ARHGAP19: variants seen among roughly 807,000 people sequenced by gnomAD.
The protein encoded by ARHGAP19 is Rho GTPase activating protein 19, also known as rho GTPase-activating protein 19.
A neutral mutation model predicts 60.9 loss-of-function variants in ARHGAP19; 48 were observed. The observed-to-expected ratio is 0.79, with a 90% CI of 0.62 to 1.00. The LOEUF (loss-of-function observed/expected upper bound fraction) is 1.00, where lower values mean the gene tolerates loss of function less well. Ranked by LOEUF, ARHGAP19 falls within the 50% of genes least tolerant of loss-of-function variation. The pLI, the probability that ARHGAP19 is intolerant of heterozygous loss-of-function variation, is 0.00. For missense variants in ARHGAP19, 562 were observed against 597.2 expected (o/e 0.94, Z 0.61); for synonymous variants, 209 against 215.5 (o/e 0.97, Z 0.27).
At chr10:97,231,760 A>G (rs1379359570) in intron 9 of ARHGAP19, among the ~76,000 whole-genome samples, 1 of 152,168 alleles carries the variant, frequency 6.6e-6, no homozygotes, top group Admixed American at 6.5e-5. Context: ...TAATGCTGCT[A>G]TGAATACGGG....
At chr10:97,257,476 G>A (rs1827385725) in intron 5 of ARHGAP19, among the ~76,000 whole-genome samples, 1 of 151,666 alleles carries the variant, frequency 6.6e-6, no homozygotes, top group Non-Finnish European at 1.5e-5. Flanking sequence ...CTTTTGTAGA[G>A]ACAAGGTCTC....
chr10:97,282,601 A>C (rs1192203442), intron 1 of ARHGAP19, among the ~76,000 whole-genome samples: 1 of 152,162 alleles, frequency 6.6e-6, no homozygotes, highest in Non-Finnish European at 1.5e-5. Context: ...CTTCCCCTTC[A>C]GAGCAATGGC....
chr10:97,285,521 T>C (rs902584823), intron 1 of ARHGAP19, among the ~76,000 whole-genome samples: 2 of 130,336 alleles, frequency 1.5e-5, no homozygotes, highest in African/African-American at 5.4e-5. Flanking sequence ...TTTTTTTGCT[T>C]TTTTTTTTTT....
rs1461223403 is a variant in ARHGAP19 at position 97,256,424 on chromosome 10, C to T, written c.841-20G>A. The T allele has an allele frequency of 1.9e-6, 3 of 1,558,848 alleles. No individual in the cohort carries two copies. The highest frequency in any genetic ancestry group is 3.3e-5 in the Admixed American group (2 of 59,714). On this transcript the variant is annotated intron_variant, in intron 5 of 11. Coordinates refer to ENST00000358531, the MANE Select transcript of ARHGAP19 (RefSeq NM_032900.6). Reference sequence around the variant, plus strand: ...AGTGACCTATTCAGAGGAAAAGAAACCAAACAATGGACATTAAGAGCTAGA... The same window carrying T: ...AGTGACCTATTCAGAGGAAAAGAAATCAAACAATGGACATTAAGAGCTAGA...
intron 1 of ARHGAP19, among the ~76,000 whole-genome samples, chr10:97,273,479 GC>G (rs1564727056): frequency 2.4e-5 from 3 of 125,382 alleles, no homozygotes; most frequent in Non-Finnish European, 4.9e-5. Context: ...ATTAATTTCT[GC>G]TCTCTTTTTT....
chr10:97,292,171 C>T (rs1406336823), intron 1 of ARHGAP19, among the ~76,000 whole-genome samples: 1 of 152,220 alleles, frequency 6.6e-6, no homozygotes, highest in African/African-American at 2.4e-5. Flanking sequence ...ACACTCAAAT[C>T]CTTGCTCGGA....
In ARHGAP19 at chr10:97,222,701, T is replaced by C. The variant is rs2134788923; in HGVS notation, c.*3421A>G. Reference sequence around the variant, plus strand: ...CCAAATTCTAGACAATCCCACAAAATGCTAGTATCTAGGTTTAGATCTAGG... The same window carrying C: ...CCAAATTCTAGACAATCCCACAAAACGCTAGTATCTAGGTTTAGATCTAGG... On this transcript the variant is annotated 3_prime_UTR_variant, in exon 12 of 12. Transcript: ENST00000358531. 1 of 152,300 alleles carries C rather than the reference T, an allele frequency of 6.6e-6. No individual in the cohort carries two copies. The highest frequency in any genetic ancestry group is 2.1e-4 in the South Asian group (1 of 4,828). 9.4% of individuals were successfully genotyped at this position (152,300 alleles called of 1,614,324 possible). A position where few individuals can be genotyped will look rare whatever the true frequency, so the allele number is the denominator to read the frequency against.
intron 3 of ARHGAP19, 37 bp from the exon 4 acceptor site, chr10:97,263,666 A>T (rs774116894): frequency 3.8e-5 from 60 of 1,574,726 alleles, no homozygotes; most frequent in Non-Finnish European, 5.2e-5. Context: ...ACAGGCAAAA[A>T]GGAAGCAGAA....
chr10:97,260,655 G>A (rs147858678), intron 4 of ARHGAP19, among the ~76,000 whole-genome samples: 3 of 152,282 alleles, frequency 2.0e-5, no homozygotes, highest in African/African-American at 7.2e-5. Context: ...TGGCAAAGAT[G>A]CAGAGAAAAT....
chr10:97,246,478 C>A (rs1842565844), intron 6 of ARHGAP19, 141 bp from the exon 7 acceptor site: 2 of 635,654 alleles, frequency 3.1e-6, no homozygotes, highest in African/African-American at 1.8e-5. Flanking sequence ...AATTCATAGC[C>A]CCTCCATAGC....
At chr10:97,257,355 A>G (rs1460013201) in intron 5 of ARHGAP19, among the ~76,000 whole-genome samples, 2 of 143,910 alleles carry the variant, frequency 1.4e-5, no homozygotes, top group East Asian at 4.1e-4. Context: ...TGGTGCAATC[A>G]TAACTCACTG....
At chr10:97,273,834 CCAG>C (rs1291837006) in intron 1 of ARHGAP19, among the ~76,000 whole-genome samples, 5 of 151,998 alleles carry the variant, frequency 3.3e-5, no homozygotes, top group Admixed American at 6.6e-5. Flanking sequence ...AGCAAAATGT[CCAG>C]CAGAATTTTA....
chr10:97,263,424 G>A lies in ARHGAP19; in HGVS notation c.609C>T (p.Ile203=), dbSNP rs764577062. 21 of 1,613,780 alleles carry A rather than the reference G, an allele frequency of 1.3e-5. No homozygotes were observed. Among genetic ancestry groups the A allele is most frequent in the Non-Finnish European group, 1.4e-5 (17 of 1,179,888 alleles). ...CTTCTTACTTCCTATACTCACCAGC[G>A]ATTTTGAGGTGTGCATTGAAGTGTT... ...THKHFNAHLK[I]ADLMQFDDKG... The change falls in exon 4 of 12, where the codon ATC becomes ATT. Residue 203 remains isoleucine (I), a synonymous_variant. Transcript: ENST00000358531.
chr10:97,234,009 G>A (rs1851079732), intron 9 of ARHGAP19, among the ~76,000 whole-genome samples: 1 of 151,594 alleles, frequency 6.6e-6, no homozygotes, highest in Admixed American at 6.6e-5. Flanking sequence ...GCTTATGCCT[G>A]TAATCCCAGC....
At chr10:97,232,885 C>T (rs574085648) in intron 9 of ARHGAP19, among the ~76,000 whole-genome samples, 1 of 152,190 alleles carries the variant, frequency 6.6e-6, no homozygotes, top group South Asian at 2.1e-4. Context: ...TGGTGGCTCA[C>T]GCCTATAATC....
chr10:97,249,918 C>A (rs975166396), intron 6 of ARHGAP19, among the ~76,000 whole-genome samples: 10 of 151,594 alleles, frequency 6.6e-5, no homozygotes, highest in Non-Finnish European at 1.5e-4. Context: ...CCTGCCTCAG[C>A]CTCTCCCAGG....
intron 11 of ARHGAP19, among the ~76,000 whole-genome samples, chr10:97,226,723 G>T (rs1008847087): frequency 6.6e-6 from 1 of 152,206 alleles, no homozygotes; most frequent in Non-Finnish European, 1.5e-5. Context: ...AATATGTGAA[G>T]TAAATACAGT....
intron 1 of ARHGAP19, chr10:97,274,882 C>G (rs941435465): frequency 2.6e-5 from 4 of 152,178 alleles, no homozygotes; most frequent in African/African-American, 9.7e-5. Flanking sequence ...CAAAAAAGAA[C>G]AATTTCGGGG....
chr10:97,287,195 T>C (rs1258618065), intron 1 of ARHGAP19, among the ~76,000 whole-genome samples: 2 of 152,140 alleles, frequency 1.3e-5, no homozygotes, highest in Non-Finnish European at 2.9e-5. Context: ...TCTTCCTGTC[T>C]CTGCCTCCCC....
Sources: allele counts gnomAD v4.1 joint callset (sites outside exome capture counted in the v4.1 genomes callset), GRCh38; gene constraint gnomAD v4.1.1; transcripts MANE v1.5; gene names NCBI Gene and HGNC (gene_info 2026-07-23, HGNC 2026-07-21).